Variants in PTPRT observed in about 807,000 individuals in gnomAD.
The protein encoded by PTPRT is protein tyrosine phosphatase receptor type T.
Under a neutral mutation model 176.8 loss-of-function variants are expected in PTPRT, and 56 were observed. The observed-to-expected ratio is 0.32, with a 90% CI of 0.26 to 0.40. The LOEUF (loss-of-function observed/expected upper bound fraction) is 0.40, where lower values mean the gene tolerates loss of function less well. Ranked by LOEUF, PTPRT falls within the 10% of genes least tolerant of loss-of-function variation. PTPRT has a pLI of 1.00. For synonymous variants in PTPRT, 783 were observed against 739.0 expected (o/e 1.06, Z -0.96); for missense variants, 1,540 against 1,908.2 (o/e 0.81, Z 3.60).
At chr20:42,181,909 C>A (rs55916152) in intron 16 of PTPRT, among the ~76,000 whole-genome samples, 32,010 of 150,416 alleles carry the variant, frequency 0.21, 3,761 homozygotes, top group African/African-American at 0.3. Flanking sequence ...TAAAAAAAAA[C>A]AACAAGTGGC....
intron 9 of PTPRT, among the ~76,000 whole-genome samples, chr20:42,358,372 G>A (rs1235655906): frequency 2.6e-5 from 4 of 152,188 alleles, no homozygotes; most frequent in Non-Finnish European, 4.4e-5. Flanking sequence ...TAGGTGCTTG[G>A]CCATGTACTA....
At chr20:43,047,686 AATGATGATGATG>A (rs3092428) in intron 1 of PTPRT, among the ~76,000 whole-genome samples, 1 of 151,704 alleles carries the variant, frequency 6.6e-6, no homozygotes, top group Non-Finnish European at 1.5e-5. Context: ...TAATCATACT[AATGATGATGATG>A]ATGATGATGA....
At chr20:42,228,526 T>C (rs1236748243) in intron 15 of PTPRT, among the ~76,000 whole-genome samples, 2 of 152,236 alleles carry the variant, frequency 1.3e-5, no homozygotes, top group Non-Finnish European at 2.9e-5. Context: ...ACATTTATAA[T>C]TGTGTCATGC....
chr20:42,530,748 G>C (rs1323323495), intron 7 of PTPRT, among the ~76,000 whole-genome samples: 3 of 152,232 alleles, frequency 2.0e-5, no homozygotes, highest in East Asian at 1.9e-4. Context: ...AAAGGGAATA[G>C]AGCGGGGAGA....
chr20:43,054,345 G>A (rs1396082632), intron 1 of PTPRT, among the ~76,000 whole-genome samples: 1 of 152,114 alleles, frequency 6.6e-6, no homozygotes, highest in Non-Finnish European at 1.5e-5. Flanking sequence ...CTTGAATCCA[G>A]GAGTTCAAGA....
intron 1 of PTPRT, among the ~76,000 whole-genome samples, chr20:42,929,778 C>T (rs1419445497): frequency 1.3e-5 from 2 of 152,222 alleles, no homozygotes; most frequent in East Asian, 1.9e-4. Context: ...GGAATACAAG[C>T]GTCCTTGGCT....
intron 7 of PTPRT, among the ~76,000 whole-genome samples, chr20:42,486,807 A>G (rs1284570075): frequency 2.0e-5 from 3 of 152,088 alleles, no homozygotes; most frequent in South Asian, 2.1e-4. Flanking sequence ...TCTTTCCATG[A>G]TGAATGCACC....
intron 13 of PTPRT, among the ~76,000 whole-genome samples, chr20:42,265,264 GAGAGTATGATTAC>G (rs2146978525): frequency 6.6e-6 from 1 of 152,248 alleles, no homozygotes; most frequent in South Asian, 2.1e-4. Context: ...ACAGAGCATG[GAGAGTATGATTAC>G]AGACTGTCTT....
chr20:42,150,233 C>G (rs1274690422), intron 17 of PTPRT, among the ~76,000 whole-genome samples: 9 of 151,632 alleles, frequency 5.9e-5, no homozygotes, highest in Non-Finnish European at 1.2e-4. Flanking sequence ...CAATTCAAGG[C>G]TGAGGGCGTG....
At chr20:42,461,424 C>G (rs568325283) in intron 8 of PTPRT, among the ~76,000 whole-genome samples, 84 of 152,226 alleles carry the variant, frequency 5.5e-4, no homozygotes, top group African/African-American at 1.9e-3. Flanking sequence ...CATGTCCTAG[C>G]TACTGGAGAG....
intron 14 of PTPRT, among the ~76,000 whole-genome samples, chr20:42,244,176 T>C (rs2056407782): frequency 1.3e-5 from 2 of 152,342 alleles, no homozygotes; most frequent in South Asian, 4.1e-4. Context: ...TTCTGCAAGG[T>C]TGACAGCAAA....
At chr20:42,183,472 A>G (rs1990605550) in intron 16 of PTPRT, among the ~76,000 whole-genome samples, 3 of 152,214 alleles carry the variant, frequency 2.0e-5, no homozygotes, top group Admixed American at 2.0e-4. Flanking sequence ...TGTACAAGAG[A>G]GCAAAAGCTA....
chr20:42,903,055 C>T (rs1328151536), intron 1 of PTPRT, among the ~76,000 whole-genome samples: 1 of 152,184 alleles, frequency 6.6e-6, no homozygotes, highest in East Asian at 1.9e-4. Flanking sequence ...GTAAGGGGCC[C>T]ATCTCGGCTC....
At chr20:42,145,932 G>A (rs1988850703) in intron 17 of PTPRT, among the ~76,000 whole-genome samples, 1 of 152,168 alleles carries the variant, frequency 6.6e-6, no homozygotes, top group African/African-American at 2.4e-5. Flanking sequence ...TATAAGGATA[G>A]GTAAGTGCTC....
intron 6 of PTPRT, among the ~76,000 whole-genome samples, chr20:42,702,255 A>G (rs1421372734): frequency 1.1e-4 from 17 of 152,108 alleles, no homozygotes; most frequent in Non-Finnish European, 2.9e-5. Context: ...TCTGACAGCT[A>G]TTCTTTGAGC....
chr20:42,458,679 G>A (rs1363190366), intron 8 of PTPRT, among the ~76,000 whole-genome samples: 1 of 152,078 alleles, frequency 6.6e-6, no homozygotes, highest in Non-Finnish European at 1.5e-5. Flanking sequence ...ACCTCAATCT[G>A]CTCTATCCGA....
intron 7 of PTPRT, among the ~76,000 whole-genome samples, chr20:42,606,382 C>G (rs755633672): frequency 3.3e-5 from 5 of 152,202 alleles, no homozygotes; most frequent in Admixed American, 6.5e-5. Context: ...ATGGGGGCTA[C>G]AGCCTTGCCA....
chr20:43,063,161 C>T (rs1180733856), intron 1 of PTPRT, among the ~76,000 whole-genome samples: 2 of 152,076 alleles, frequency 1.3e-5, no homozygotes, highest in East Asian at 3.9e-4. Flanking sequence ...AAAGATTAAA[C>T]AATAATGGCA....
chr20:42,518,849 T>C (rs1248729004), intron 7 of PTPRT, among the ~76,000 whole-genome samples: 1 of 152,148 alleles, frequency 6.6e-6, no homozygotes, highest in Non-Finnish European at 1.5e-5. Context: ...TTAAAGAAAA[T>C]AAATCTTGCT....
Sources: gnomAD v4.1 joint callset for allele counts (sites outside exome capture counted in the v4.1 genomes callset) on GRCh38, gnomAD v4.1.1 for gene constraint, MANE v1.5 for transcripts, NCBI Gene and HGNC (gene_info 2026-07-23, HGNC 2026-07-21) for gene names.